Variants in SLC14A2 observed in about 807,000 individuals in gnomAD.
SLC14A2 encodes the protein urea transporter 2.
SLC14A2 carries 91 observed loss-of-function variants against 104.6 expected under a neutral mutation model. The ratio of observed to expected loss-of-function variants is 0.87; its 90% CI spans 0.73 to 1.04. The LOEUF (loss-of-function observed/expected upper bound fraction) is 1.04. Ranked by LOEUF, SLC14A2 falls within the 50% of genes least tolerant of loss-of-function variation. SLC14A2 has a pLI of 0.00. For synonymous variants in SLC14A2, 476 were observed against 466.4 expected, an observed-to-expected ratio of 1.02 and a Z score of -0.27; for missense variants, 1,189 against 1,156.0, an observed-to-expected ratio of 1.03 and a Z score of -0.41.
chr18:45,520,717 A>G lies in SLC14A2; in HGVS notation c.-35+37395A>G, dbSNP rs572678764. ...TCAGCATCAGAAAATGTGGGTTCTCACACATCTAGCTGTGTGACCTAGGGC... is the reference window on the plus strand; with the variant it reads ...TCAGCATCAGAAAATGTGGGTTCTCGCACATCTAGCTGTGTGACCTAGGGC... On this transcript the variant is annotated intron_variant, in intron 2 of 20. Transcript: ENST00000586448. 1.1e-4 allele frequency among the ~76,000 whole-genome samples: 17 copies of G among 152,288 alleles called. No individual in the cohort carries two copies. In the South Asian group the frequency reaches 3.5e-3, roughly 32 times the overall value.
intron 1 of SLC14A2, among the ~76,000 whole-genome samples, chr18:45,474,280 C>T (rs891077319): frequency 3.3e-5 from 5 of 151,936 alleles, no homozygotes; most frequent in East Asian, 1.9e-4. Context: ...TTGGTTTGCC[C>T]GTATTTTATT....
chr18:45,347,414 T>C (rs1217845121), intron 1 of SLC14A2, among the ~76,000 whole-genome samples: 1 of 152,246 alleles, frequency 6.6e-6, no homozygotes, highest in African/African-American at 2.4e-5. Flanking sequence ...CATTGATTCA[T>C]GTTCATAGTA....
In SLC14A2 at chr18:45,667,068, T is replaced by C. The variant is rs774750453; in HGVS notation, c.1691T>C (p.Met564Thr). The change falls in exon 13 of 20, where the codon ATG becomes ACG. Residue 564 changes from methionine to threonine, a missense_variant. By Grantham distance (81) the Met-to-Thr change is moderately conservative (BLOSUM62 -1). Transcript: ENST00000255226. ...SKALSYITGE[M>T]KECGEGLKDK... is the part of the protein sequence containing the mutation. ...GCCCTCAGCTACATCACAGGAGAGA[T>C]GAAGGAGTGTGGAGAGGGACTTAAA... The C allele has an allele frequency of 5.6e-6, 9 of 1,613,666 alleles. No individual in the cohort carries two copies. Among genetic ancestry groups the C allele is most frequent in the South Asian group, 5.5e-5 (5 of 91,056 alleles).
the SLC14A2 span, among the ~76,000 whole-genome samples, chr18:45,168,120 AAAT>A: frequency 6.6e-6 from 1 of 152,156 alleles, no homozygotes; most frequent in African/African-American, 2.4e-5. Context: ...TCAATATGCT[AAAT>A]AATCCTCTTT....
chr18:45,186,361 A>G, the SLC14A2 span, among the ~76,000 whole-genome samples: 1 of 152,204 alleles, frequency 6.6e-6, no homozygotes, highest in Admixed American at 6.5e-5. Flanking sequence ...ATGGGAAAGG[A>G]TTGGCTTTTT....
At chr18:45,265,853 CCTAATGTGTG>C (rs774291362) in intron 1 of SLC14A2, among the ~76,000 whole-genome samples, 5 of 152,106 alleles carry the variant, frequency 3.3e-5, no homozygotes, top group Non-Finnish European at 5.9e-5. Context: ...TTGTTAAGCA[CCTAATGTGTG>C]CTGGGTATCA....
At chr18:45,599,452 T>C (rs145142713) in intron 2 of SLC14A2, among the ~76,000 whole-genome samples, 1 of 152,332 alleles carries the variant, frequency 6.6e-6, no homozygotes, top group Non-Finnish European at 1.5e-5. Context: ...GCAAAAGTAG[T>C]TACCTTTCTG....
intron 2 of SLC14A2, among the ~76,000 whole-genome samples, chr18:45,534,771 A>G (rs898979358): frequency 6.6e-6 from 1 of 152,178 alleles, no homozygotes; most frequent in African/African-American, 2.4e-5. Flanking sequence ...TATTCCAACC[A>G]TGCATTAGAT....
intron 2 of SLC14A2, chr18:45,489,969 G>A (rs1215065840): frequency 6.6e-6 from 1 of 152,214 alleles, no homozygotes; most frequent in Admixed American, 6.5e-5. Flanking sequence ...AACCCAGAGA[G>A]ATTAGGGGAC....
chr18:45,434,422 A>G (rs1344811811), intron 1 of SLC14A2, among the ~76,000 whole-genome samples: 4 of 152,216 alleles, frequency 2.6e-5, no homozygotes, highest in Non-Finnish European at 5.9e-5. Flanking sequence ...TTGTGCACTA[A>G]AAAGGCTGGC....
At chr18:45,218,446 C>T (rs115775071) in intron 1 of SLC14A2, among the ~76,000 whole-genome samples, 1 of 152,152 alleles carries the variant, frequency 6.6e-6, no homozygotes, top group Non-Finnish European at 1.5e-5. Context: ...TTGTTACTGT[C>T]CAATCGGCAT....
At chr18:45,627,877 G>C (rs905460903) in intron 4 of SLC14A2, among the ~76,000 whole-genome samples, 2 of 151,818 alleles carry the variant, frequency 1.3e-5, no homozygotes, top group Non-Finnish European at 2.9e-5. Flanking sequence ...GTGCATGGTC[G>C]TGCATGCCTG....
intron 1 of SLC14A2, among the ~76,000 whole-genome samples, chr18:45,397,035 A>C (rs915368453): frequency 6.6e-6 from 1 of 152,150 alleles, no homozygotes; most frequent in Non-Finnish European, 1.5e-5. Flanking sequence ...CTTGGTGTTT[A>C]TGTACCACAT....
the SLC14A2 span, among the ~76,000 whole-genome samples, chr18:45,190,774 C>T: frequency 6.6e-6 from 1 of 152,054 alleles, no homozygotes; most frequent in African/African-American, 2.4e-5. Context: ...AATTGATCAA[C>T]CAAAAATGAA....
At chr18:45,668,164 T>C (rs2046062321) in intron 14 of SLC14A2, 142 bp downstream of exon 14, 1 of 1,122,526 alleles carries the variant, frequency 8.9e-7, no homozygotes, top group Non-Finnish European at 1.3e-6. Flanking sequence ...TATTTTGTCA[T>C]AGCAACATAT....
chr18:45,472,427 T>C (rs146039593), intron 1 of SLC14A2, among the ~76,000 whole-genome samples: 157 of 152,344 alleles, frequency 1.0e-3, no homozygotes, highest in African/African-American at 3.6e-3. Context: ...GTATTTCTGG[T>C]TCTAGATCCT....
At chr18:45,414,021 T>C (rs1278654442) in intron 1 of SLC14A2, among the ~76,000 whole-genome samples, 1 of 152,178 alleles carries the variant, frequency 6.6e-6, no homozygotes, top group African/African-American at 2.4e-5. Context: ...ACAAAAAAAG[T>C]ATTCAATTAA....
chr18:45,575,444 G>T (rs2044405822), intron 2 of SLC14A2, among the ~76,000 whole-genome samples: 1 of 152,152 alleles, frequency 6.6e-6, no homozygotes, highest in African/African-American at 2.4e-5. Flanking sequence ...ATCCTACAGG[G>T]TTTTCACCTG....
At chr18:45,383,116 A>T (rs538554343) in intron 1 of SLC14A2, among the ~76,000 whole-genome samples, 1 of 152,310 alleles carries the variant, frequency 6.6e-6, no homozygotes, top group South Asian at 2.1e-4. Context: ...TTTGACAGAA[A>T]AGCAAACTAA....
Sources: gnomAD v4.1 joint callset for allele counts (sites outside exome capture counted in the v4.1 genomes callset) on GRCh38, gnomAD v4.1.1 for gene constraint, MANE v1.5 for transcripts, NCBI Gene and HGNC (gene_info 2026-07-23, HGNC 2026-07-21) for gene names.